The following PPP2R1A variants were observed in gnomAD, a reference collection of about 807,000 sequenced individuals.
The protein encoded by PPP2R1A is protein phosphatase 2 scaffold subunit Aalpha.
A neutral mutation model predicts 67.1 loss-of-function variants in PPP2R1A; 15 were observed. The ratio of observed to expected loss-of-function variants is 0.22; its 90% CI spans 0.15 to 0.34. The LOEUF is 0.34. Among genes scored for constraint, PPP2R1A ranks in the 10% least tolerant of loss-of-function variants. PPP2R1A has a pLI of 1.00. For missense variants in PPP2R1A, 369 were observed against 775.0 expected, an observed-to-expected ratio of 0.48 and a Z score of 6.22; for synonymous variants, 337 against 325.0, an observed-to-expected ratio of 1.04 and a Z score of -0.40.
intron 1 of PPP2R1A, among the ~76,000 whole-genome samples, chr19:52,195,574 G>T (rs1001380029): frequency 2.1e-4 from 32 of 152,162 alleles, no homozygotes; most frequent in African/African-American, 7.7e-4. Context: ...TGCCATTCTG[G>T]GTCGTCAGAA....
In PPP2R1A at chr19:52,210,481, C is replaced by G. The variant is rs578202989; in HGVS notation, c.271-779C>G. Among the ~76,000 whole-genome samples, 8 of 139,782 alleles carry G rather than the reference C, an allele frequency of 5.7e-5. No homozygotes were observed. In the East Asian group the frequency reaches 1.7e-3, roughly 29 times the overall value. 91.7% of individuals were successfully genotyped at this position (139,782 alleles called of 152,430 possible). A position where few individuals can be genotyped will look rare whatever the true frequency, so the allele number is the denominator to read the frequency against. On this transcript the variant is annotated intron_variant, in intron 3 of 14. Transcript: ENST00000322088. ...AAGCCAGGCTGTACCTCAGTTTTCT[C>G]TTCTTTTTTTTTTTTTTTTTTTTCT...
chr19:52,190,346 A>C (rs1028356878), intron 1 of PPP2R1A, 172 bp downstream of exon 1: 15 of 746,464 alleles, frequency 2.0e-5, no homozygotes, highest in Non-Finnish European at 3.3e-5. Flanking sequence ...GGCGCTCCCG[A>C]TTGGGTGTCG....
intron 2 of PPP2R1A, among the ~76,000 whole-genome samples, chr19:52,205,586 A>G (rs1422370011): frequency 6.6e-6 from 1 of 152,206 alleles, no homozygotes; most frequent in Non-Finnish European, 1.5e-5. Context: ...GCTGGACCCC[A>G]AAAAAGCTCT....
In PPP2R1A at chr19:52,216,764, C is replaced by A. The variant is rs116652313; in HGVS notation, c.1128+101C>A. 2.1e-3 allele frequency: 3,158 copies of A among 1,519,962 alleles called. 64 individuals are homozygous for A. In the African/African-American group the frequency reaches 0.039, roughly 19 times the overall value. The allele number at this position is 1,519,962 out of a possible 1,614,324, so 94.2% of individuals were successfully genotyped here. A position where few individuals can be genotyped will look rare whatever the true frequency, so the allele number is the denominator to read the frequency against. On this transcript the variant is annotated intron_variant, in intron 9 of 14. Coordinates refer to ENST00000322088, the MANE Select transcript of PPP2R1A (RefSeq NM_014225.6). This position sits in a 1 kb window ranked among gnomAD's most constrained non-coding sequence, Gnocchi z 4.3. ...AGATTGACCAGGAATCTGCTGATATCTCAACAGACATCCAGATCTTTGCTG... is the reference window on the plus strand; with the variant it reads ...AGATTGACCAGGAATCTGCTGATATATCAACAGACATCCAGATCTTTGCTG...
At chr19:52,222,509 T>C in intron 13 of PPP2R1A, 1 of 341,586 alleles carries the variant, frequency 2.9e-6, no homozygotes, top group East Asian at 5.3e-5. Flanking sequence ...GTTTTATATG[T>C]AAGTATGTGT....
chr19:52,221,054 C>T lies in PPP2R1A; in HGVS notation c.1439C>T (p.Ala480Val), dbSNP rs1219130455. ...AAGTTTGGGAAGGAGTGGGCCCATG[C>T]CACAATCATCCCCAAGGTCTTGGCC... ...VEKFGKEWAH[A>V]TIIPKVLAMS... Residue 480 changes from alanine (A) to valine (V), a missense_variant, in exon 12 of 15, where the codon GCC becomes GTC. Coordinates refer to ENST00000322088, the MANE Select transcript of PPP2R1A (RefSeq NM_014225.6). The T allele has an allele frequency of 1.2e-6, 2 of 1,614,098 alleles. No individual in the cohort carries two copies. The highest frequency in any genetic ancestry group is 1.7e-6 in the Non-Finnish European group (2 of 1,180,040).
intron 9 of PPP2R1A, among the ~76,000 whole-genome samples, chr19:52,217,689 T>TC (rs1978664034): frequency 6.6e-6 from 1 of 152,090 alleles, no homozygotes; most frequent in South Asian, 2.1e-4. Flanking sequence ...GGATTTTTTT[T>TC]CTCTCTCTCA....
At chr19:52,200,812 CTG>C (rs2089539778) in intron 1 of PPP2R1A, among the ~76,000 whole-genome samples, 1 of 152,146 alleles carries the variant, frequency 6.6e-6, no homozygotes, top group Non-Finnish European at 1.5e-5. Flanking sequence ...GCCTTCCCCT[CTG>C]TATCTGTCTT....
rs113144677 is a variant in PPP2R1A at position 52,211,155 on chromosome 19, A to G, written c.271-105A>G. 3.6e-4 allele frequency: 371 copies of G among 1,041,752 alleles called. 3 individuals are homozygous for G. In the African/African-American group the frequency reaches 5.0e-3, roughly 14 times the overall value. 64.5% of individuals were successfully genotyped at this position (1,041,752 alleles called of 1,614,324 possible). ...ATGAAGGTCGGGATGGGTAATAGGG[A>G]AGTTTTCTCTGAGGAGATGAGCCCA... On this transcript the variant is annotated intron_variant, in intron 3 of 14. Transcript: ENST00000322088. This position sits in a 1 kb window ranked among gnomAD's most constrained non-coding sequence, Gnocchi z 5.3.
At chr19:52,199,758 C>T (rs555546645) in intron 1 of PPP2R1A, among the ~76,000 whole-genome samples, 2 of 152,296 alleles carry the variant, frequency 1.3e-5, no homozygotes, top group Admixed American at 1.3e-4. Flanking sequence ...GCAGTGAGCA[C>T]CTCTATACTT....
intron 6 of PPP2R1A, among the ~76,000 whole-genome samples, chr19:52,214,523 A>G (rs1978445377): frequency 6.6e-6 from 1 of 152,184 alleles, no homozygotes; most frequent in Admixed American, 6.5e-5. Context: ...CACATAGTAG[A>G]CATTCAGTAA....
intron 13 of PPP2R1A, among the ~76,000 whole-genome samples, chr19:52,224,456 G>A (rs1005030740): frequency 7.2e-5 from 11 of 152,150 alleles, no homozygotes; most frequent in African/African-American, 2.7e-4. Flanking sequence ...CTCCTGGCCC[G>A]GGTGCCTCAT....
chr19:52,218,382 G>C (rs1443922757), intron 9 of PPP2R1A, among the ~76,000 whole-genome samples: 1 of 152,132 alleles, frequency 6.6e-6, no homozygotes, highest in African/African-American at 2.4e-5. Context: ...CTTAGCCCCA[G>C]AATTACAGTG....
intron 3 of PPP2R1A, 67 bp downstream of exon 3, chr19:52,206,130 G>A (rs1183774762): frequency 2.1e-6 from 3 of 1,419,344 alleles, no homozygotes; most frequent in Non-Finnish European, 3.0e-6. Context: ...GCCGGCCTAG[G>A]GCAGGGAGGG....
chr19:52,197,848 T>C (rs1185662082), intron 1 of PPP2R1A, among the ~76,000 whole-genome samples: 2 of 152,170 alleles, frequency 1.3e-5, no homozygotes, highest in African/African-American at 4.8e-5. Context: ...ATTCTGTATT[T>C]CCCTCATGGG....
chr19:52,217,370 A>T (rs770038544), intron 9 of PPP2R1A, among the ~76,000 whole-genome samples: 2 of 152,182 alleles, frequency 1.3e-5, no homozygotes, highest in African/African-American at 2.4e-5. Flanking sequence ...AGATAATTTT[A>T]AAAAACATTT....
intron 2 of PPP2R1A, among the ~76,000 whole-genome samples, chr19:52,204,359 A>G (rs10408635): frequency 0.026 from 4,020 of 152,270 alleles, 166 homozygotes; most frequent in African/African-American, 0.09. Flanking sequence ...GGGAGATCAG[A>G]TGGTGTAGGG....
chr19:52,225,604 G>T (rs1227679463), intron 13 of PPP2R1A, 113 bp from the exon 14 acceptor site: 34 of 892,942 alleles, frequency 3.8e-5, no homozygotes, highest in Admixed American at 2.2e-4. Context: ...CCCACCTTGG[G>T]TTTGGTGTAT....
In PPP2R1A at chr19:52,220,180, C is replaced by G. The variant is rs927825240; in HGVS notation, c.1303-9C>G. 6 of 1,613,752 alleles carry G rather than the reference C, an allele frequency of 3.7e-6. No individual in the cohort carries two copies. Among genetic ancestry groups the G allele is most frequent in the Non-Finnish European group, 5.1e-6 (6 of 1,179,808 alleles). On this transcript the variant is annotated splice_polypyrimidine_tract_variant and intron_variant, in intron 10 of 14. Coordinates refer to ENST00000322088, the MANE Select transcript of PPP2R1A (RefSeq NM_014225.6). ...ACGCTTACCTTGGAACCCTTGGTTT[C>G]TCCTGTAGGGAGTGGAGTTCTTTGA... is the stretch of plus-strand genomic sequence containing the variant.
Sources: allele counts gnomAD v4.1 joint callset (sites outside exome capture counted in the v4.1 genomes callset), GRCh38; gene constraint gnomAD v4.1.1; non-coding constraint Gnocchi (gnomAD v3.1); transcripts MANE v1.5; gene names NCBI Gene and HGNC (gene_info 2026-07-23, HGNC 2026-07-21).